The following KRT77 variants were observed in gnomAD, a reference collection of about 807,000 sequenced individuals.
KRT77 encodes the protein keratin 77.
Under a neutral mutation model 51.5 loss-of-function variants are expected in KRT77, and 44 were observed. The ratio of observed to expected loss-of-function variants is 0.85; its 90% confidence interval spans 0.67 to 1.10. The LOEUF (loss-of-function observed/expected upper bound fraction) is 1.10, where lower values mean the gene tolerates loss of function less well. Ranked by LOEUF, KRT77 falls within the 50% of genes least tolerant of loss-of-function variation. The pLI is 0.00. For synonymous variants in KRT77, 293 were observed against 302.0 expected (o/e 0.97, Z 0.31); for missense variants, 763 against 743.9 (o/e 1.03, Z -0.30).
At chr12:52,700,143 C>T (rs1251216890) in intron 1 of KRT77, among the ~76,000 whole-genome samples, 1 of 152,198 alleles carries the variant, frequency 6.6e-6, no homozygotes, top group African/African-American at 2.4e-5. Flanking sequence ...GCGTCCAGCA[C>T]TGACCCCTGA....
rs1476738865 is a variant in KRT77 at position 52,691,916 on chromosome 12, G to A, written c.1462+22C>T. On this transcript the variant is annotated intron_variant, in intron 8 of 8. Transcript: ENST00000341809. ...CACCCAGCACCACCAGCCTCTCTCTGCCCCTGGGCTCTGCTACTTACAGAT... is the reference window on the plus strand; with the variant it reads ...CACCCAGCACCACCAGCCTCTCTCTACCCCTGGGCTCTGCTACTTACAGAT... 3.1e-6 allele frequency: 5 copies of A among 1,613,514 alleles called. No individual in the cohort carries two copies. The Admixed American group carries it at 6.7e-5, about 22-fold the overall frequency.
intron 1 of KRT77, among the ~76,000 whole-genome samples, chr12:52,702,574 G>A (rs1592275885): frequency 6.8e-6 from 1 of 146,484 alleles, no homozygotes; most frequent in Admixed American, 6.8e-5. Context: ...GTGTATAAAT[G>A]GATTGTGTGG....
rs531512283 is a variant in KRT77 at position 52,699,555 on chromosome 12, C to T, written c.544-1659G>A. On this transcript the variant is annotated intron_variant, in intron 1 of 8. Transcript: ENST00000341809. ...AACTCAAGGGCAGCTCAGCTAGCAC[C>T]GATGGAATGAGGCATGCTGCTGAGC... Among the ~76,000 whole-genome samples, 14 of 152,350 alleles carry T rather than the reference C, an allele frequency of 9.2e-5. 1 individual carries two copies. The East Asian group carries it at 1.7e-3, about 19-fold the overall frequency.
chr12:52,696,322 T>G (rs745913257), intron 3 of KRT77, 48 bp downstream of exon 3: 1 of 1,582,860 alleles, frequency 6.3e-7, no homozygotes, highest in Admixed American at 1.7e-5. Context: ...CTCACTCCCC[T>G]CAGCCTCCTG....
intron 7 of KRT77, 130 bp downstream of exon 7, chr12:52,692,291 T>C: frequency 1.0e-6 from 1 of 987,358 alleles, no homozygotes; most frequent in Non-Finnish European, 1.5e-6. Context: ...CTAATTGGAA[T>C]GTTTCTGCTC....
At chr12:52,695,345 T>A (rs937570019) in intron 4 of KRT77, 5 of 170,364 alleles carry the variant, frequency 2.9e-5, no homozygotes, top group Non-Finnish European at 6.3e-5. Context: ...GAGGGCCGGG[T>A]GGTGGAGTGT....
At chr12:52,692,091 C>CG in intron 7 of KRT77, 119 bp from the exon 8 acceptor site, 1 of 1,114,428 alleles carries the variant, frequency 9.0e-7, no homozygotes, top group Non-Finnish European at 1.3e-6. Context: ...TGTGCATGAG[C>CG]AGAGGTCAGG....
Position 52,694,790 on chromosome 12 carries a change from C to T in KRT77, c.916G>A (p.Glu306Lys), listed in dbSNP as rs1345704107. The part of the protein sequence containing the change: ...VNFLKYLFLT[E>K]LSQVQTHISD... ...ATGTGAGTCTGCACCTGAGACAGCT[C>T]CTGCGAGGCATGGCGCACAGGCTGA... Residue 306 changes from glutamate (E) to lysine (K), a missense_variant and splice_region_variant, in exon 5 of 9, where the codon GAG becomes AAG. Glu to Lys is a moderately conservative substitution (Grantham distance 56). Transcript: ENST00000341809. 6.3e-7 allele frequency: 1 copy of T among 1,596,938 alleles called. No individual in the cohort carries two copies. Among genetic ancestry groups the T allele is most frequent in the South Asian group, 1.1e-5 (1 of 89,566 alleles).
chr12:52,701,972 TA>T (rs1284669004), intron 1 of KRT77, among the ~76,000 whole-genome samples: 3 of 152,222 alleles, frequency 2.0e-5, no homozygotes, highest in Non-Finnish European at 4.4e-5. Context: ...CCAGGAATTG[TA>T]ACTGTTTGAA....
intron 3 of KRT77, 60 bp from the exon 4 acceptor site, chr12:52,695,927 A>C: frequency 9.1e-5 from 100 of 1,095,372 alleles, no homozygotes; most frequent in Non-Finnish European, 1.3e-4. Flanking sequence ...CCACCAGCTC[A>C]CTGGCTGGCT....
chr12:52,691,249 C>A lies in KRT77; in HGVS notation c.1653G>T (p.Gly551=). The A allele has an allele frequency of 6.2e-7, 1 of 1,611,998 alleles. No individual in the cohort carries two copies. The highest frequency in any genetic ancestry group is 2.2e-5 in the East Asian group (1 of 44,748). The part of the protein sequence containing the change: ...GCGGGGGSYG[G]SGRSGRGSSR... ...AGGATCCGCGGCCGCTTCTGCCGCT[C>A]CCTCCGTAGCTCCCGCCACCGCCGC... The change falls in exon 9 of 9, where the codon GGG becomes GGT. Residue 551 remains glycine (G), a synonymous_variant. Coordinates refer to ENST00000341809, the MANE Select transcript of KRT77 (RefSeq NM_175078.3).
Position 52,703,048 on chromosome 12 carries a change from A to T in KRT77, c.387T>A (p.Pro129=), listed in dbSNP as rs751164400. ...TSNFGLGGFG[P]YCPPGGIQEV... is the part of the protein sequence containing the mutation. ...CTTGGATGCCCCCAGGAGGACAATAAGGACCAAAGCCCCCAAGCCCAAAAT... is the reference window on the plus strand; with the variant it reads ...CTTGGATGCCCCCAGGAGGACAATATGGACCAAAGCCCCCAAGCCCAAAAT... Residue 129 remains proline (P), a synonymous_variant, in exon 1 of 9, where the codon CCT becomes CCA. Transcript: ENST00000341809. 1 of 1,614,016 alleles carries T rather than the reference A, an allele frequency of 6.2e-7. No individual in the cohort carries two copies. The highest frequency in any genetic ancestry group is 8.5e-7 in the Non-Finnish European group (1 of 1,179,996).
chr12:52,698,042 G>T, intron 1 of KRT77, 146 bp from the exon 2 acceptor site: 3 of 1,425,120 alleles, frequency 2.1e-6, no homozygotes, highest in Admixed American at 2.0e-5. Context: ...CTTTTCTCGG[G>T]ATTGAGACAC....
rs773215814 is a variant in KRT77 at position 52,692,503 on chromosome 12, A to G, written c.1345T>C (p.Tyr449His). The G allele has an allele frequency of 2.5e-6, 4 of 1,614,034 alleles. No homozygotes were observed. In the South Asian group the frequency reaches 4.4e-5, roughly 18 times the overall value. Reference protein sequence around the residue: ...KEELARLLRDYQAMLGVKLSL... With the variant: ...KEELARLLRDHQAMLGVKLSL... ...AGCTTGACCCCCAGCATGGCCTGGT[A>G]GTCACGCAGCAGCCGGGCCAGCTCC... The change falls in exon 7 of 9, where the codon TAC (tyrosine) becomes CAC (histidine). Residue 449 changes from tyrosine (Y) to histidine (H), a missense_variant. Transcript: ENST00000341809.
At position 52,691,024 on chromosome 12, in the gene KRT77, C is replaced by T; in HGVS notation, c.*141G>A. ...TTGGACTTATCCACCCTGCTTCCCC[C>T]ATTAGAGTCGAATTTATTGGCAAAA... On this transcript the variant is annotated 3_prime_UTR_variant, in exon 9 of 9. Coordinates refer to ENST00000341809, the MANE Select transcript of KRT77 (RefSeq NM_175078.3). 1 of 1,189,476 alleles carries T rather than the reference C, an allele frequency of 8.4e-7. No homozygotes were observed. Among genetic ancestry groups the T allele is most frequent in the Non-Finnish European group, 1.2e-6 (1 of 825,008 alleles). The allele number at this position is 1,189,476 out of a possible 1,614,324, so 73.7% of individuals were successfully genotyped here.
intron 1 of KRT77, chr12:52,698,404 C>T (rs1372280705): frequency 2.7e-6 from 1 of 372,294 alleles, no homozygotes; most frequent in Admixed American, 3.6e-5. Context: ...CCTCTGCTGT[C>T]TGCCGGGATG....
rs1941678583 is a variant in KRT77 at position 52,689,716 on chromosome 12, G to A, written c.*1449C>T. ...GAACCAGGAAATGATGAAGTCACAA[G>A]AACAGCCTAAGAGACCCACACTGAG... On this transcript the variant is annotated 3_prime_UTR_variant, in exon 9 of 9. Coordinates refer to ENST00000341809, the MANE Select transcript of KRT77 (RefSeq NM_175078.3). 1 of 152,310 alleles carries A rather than the reference G, an allele frequency of 6.6e-6. No individual in the cohort carries two copies. Among genetic ancestry groups the A allele is most frequent in the African/African-American group, 2.4e-5 (1 of 41,554 alleles). 9.4% of individuals were successfully genotyped at this position (152,310 alleles called of 1,614,324 possible).
chr12:52,699,364 A>G (rs1210794207), intron 1 of KRT77, among the ~76,000 whole-genome samples: 1 of 152,192 alleles, frequency 6.6e-6, no homozygotes, highest in Non-Finnish European at 1.5e-5. Flanking sequence ...CCCATCCGCA[A>G]TATCCAGGAG....
At chr12:52,692,360 TCC>T in intron 7 of KRT77, 59 bp downstream of exon 7, 1 of 1,569,678 alleles carries the variant, frequency 6.4e-7, no homozygotes. Flanking sequence ...AAATAGCCAG[TCC>T]CACAGCTTCA....
Sources: gnomAD v4.1 joint callset for allele counts (sites outside exome capture counted in the v4.1 genomes callset) on GRCh38, gnomAD v4.1.1 for gene constraint, MANE v1.5 for transcripts, NCBI Gene and HGNC (gene_info 2026-07-23, HGNC 2026-07-21) for gene names.